TOPAZ1: variants seen among roughly 807,000 people sequenced by gnomAD.
TOPAZ1 encodes the protein protein TOPAZ1.
Under a neutral mutation model 172.2 loss-of-function variants are expected in TOPAZ1, and 66 were observed. The ratio of observed to expected loss-of-function variants is 0.38; its 90% CI spans 0.31 to 0.47. TOPAZ1 has a LOEUF of 0.47. Ranked by LOEUF, TOPAZ1 falls within the 20% of genes least tolerant of loss-of-function variation. TOPAZ1 has a pLI of 0.99. For synonymous variants in TOPAZ1, 681 were observed against 683.9 expected (o/e 1.00, Z 0.07); for missense variants, 1,822 against 1,972.4 (o/e 0.92, Z 1.44).
At position 44,243,962 on chromosome 3, in the gene TOPAZ1, A is replaced by G. The variant is rs1699524431; in HGVS notation, c.1456A>G (p.Ile486Val). 1 of 1,552,354 alleles carries G rather than the reference A, an allele frequency of 6.4e-7. No individual in the cohort carries two copies. Among genetic ancestry groups the G allele is most frequent in the East Asian group, 2.4e-5 (1 of 40,916 alleles). ...ATTGAAGTTAAGCTGTCAGAGAACA[A>G]TACCTATGACTGGTAAAAGAACTTG... is the stretch of plus-strand genomic sequence containing the variant. The part of the protein sequence containing the change: ...EELKLSCQRT[I>V]PMTGKRTWPY... Residue 486 changes from isoleucine to valine, a missense_variant, in exon 2 of 20, where the codon ATA becomes GTA. Ile to Val is a conservative substitution (Grantham distance 29). Transcript: ENST00000309765.
Position 44,258,780 on chromosome 3 carries a change from T to C in TOPAZ1, c.2955+2502T>C, listed in dbSNP as rs1699743774. Among the ~76,000 whole-genome samples the C allele has an allele frequency of 2.6e-5, 4 of 152,338 alleles. 1 individual carries two copies. The South Asian group carries it at 6.2e-4, about 24-fold the overall frequency. On this transcript the variant is annotated intron_variant, in intron 4 of 19. Coordinates refer to ENST00000309765, the MANE Select transcript of TOPAZ1 (RefSeq NM_001145030.2). ...AGGATAAAGCTGCTATCTATAAACG[T>C]TCATGTACAGGTTTTTGTGTATCTA...
chr3:44,256,242 C>A lies in TOPAZ1; in HGVS notation c.2919C>A (p.Phe973Leu), dbSNP rs777738428. 6.5e-7 allele frequency: 1 copy of A among 1,533,148 alleles called. No homozygotes were observed. The highest frequency in any genetic ancestry group is 2.2e-5 in the Admixed American group (1 of 45,536). The allele number at this position is 1,533,148 out of a possible 1,614,324, so 95.0% of individuals were successfully genotyped here. A position where few individuals can be genotyped will look rare whatever the true frequency, so the allele number is the denominator to read the frequency against. ...CTGAAAATGAAACACTGGGAGACTT[C>A]AGTGAACAAATAAAAGGTTCAGACT... ...ETSENETLGDFSEQIKGSDLD... is the reference protein window; with the variant it reads ...ETSENETLGDLSEQIKGSDLD... Residue 973 changes from phenylalanine to leucine, a missense_variant, in exon 4 of 20, where the codon TTC (phenylalanine) becomes TTA (leucine). Physicochemically the swap from Phe to Leu is conservative, Grantham distance 22 (BLOSUM62 0). This residue lies in a region of TOPAZ1 where 1,489 missense variants were observed against 1,490.8 expected (regional missense o/e 1.00). Transcript: ENST00000309765.
rs151093755 is a variant in TOPAZ1 at position 44,308,610 on chromosome 3, A to T, written c.4141-1215A>T. Among the ~76,000 whole-genome samples, 618 of 152,198 alleles carry T rather than the reference A, an allele frequency of 4.1e-3. 9 individuals are homozygous for T. The highest frequency in any genetic ancestry group is 0.014 in the African/African-American group (591 of 41,510). ...CATACATATGCATGTGTCTTTATAG[A>T]CTGCATCTCAAATTTAATAAAAGAG... On this transcript the variant is annotated intron_variant, in intron 15 of 19. Coordinates refer to ENST00000309765, the MANE Select transcript of TOPAZ1 (RefSeq NM_001145030.2).
chr3:44,277,240 G>A (rs2125689190), intron 8 of TOPAZ1, among the ~76,000 whole-genome samples: 1 of 152,144 alleles, frequency 6.6e-6, no homozygotes, highest in African/African-American at 2.4e-5. Flanking sequence ...TTATTCCTAA[G>A]TATTTTTTTG....
At chr3:44,268,588 G>A (rs1699858649) in intron 6 of TOPAZ1, among the ~76,000 whole-genome samples, 1 of 151,772 alleles carries the variant, frequency 6.6e-6, no homozygotes, top group Non-Finnish European at 1.5e-5. Flanking sequence ...TGGCCAGGCT[G>A]GTCTCAATGG....
At chr3:44,245,619 C>G (rs1699556070) in intron 2 of TOPAZ1, among the ~76,000 whole-genome samples, 1 of 148,832 alleles carries the variant, frequency 6.7e-6, no homozygotes, top group Non-Finnish European at 1.5e-5. Flanking sequence ...TCACTGCAAG[C>G]TCTGCCTCCC....
intron 6 of TOPAZ1, 120 bp from the exon 7 acceptor site, chr3:44,269,096 T>C: frequency 1.5e-6 from 1 of 681,500 alleles, no homozygotes. Context: ...GTCTGTGAAC[T>C]GAATATGAAT....
intron 12 of TOPAZ1, among the ~76,000 whole-genome samples, chr3:44,296,947 G>A (rs1361551351): frequency 1.3e-5 from 2 of 151,584 alleles, no homozygotes; most frequent in Non-Finnish European, 2.9e-5. Context: ...CGAGGTGGGT[G>A]GATCACCTGA....
chr3:44,298,910 T>TATATATATATATATATATATATATA lies in TOPAZ1; in HGVS notation c.3798-5105_3798-5104insATATATATATATATATATATATATA, dbSNP rs1491140048. Among the ~76,000 whole-genome samples, 6 of 16,206 alleles carry TATATATATATATATATATATATATA rather than the reference T, an allele frequency of 3.7e-4. No individual in the cohort carries two copies. In the South Asian group the frequency reaches 0.016, roughly 43 times the overall value. The allele number at this position is 16,206 out of a possible 152,430, so 10.6% of individuals were successfully genotyped here. A position where few individuals can be genotyped will look rare whatever the true frequency, so the allele number is the denominator to read the frequency against. On this transcript the variant is annotated intron_variant, in intron 12 of 19. Coordinates refer to ENST00000309765, the MANE Select transcript of TOPAZ1 (RefSeq NM_001145030.2). ...TATATATTATATATATATATATATA[T>TATATATATATATATATATATATATA]TTTTTTTTTTTTTTTTTTTTTTTTC...
chr3:44,251,907 C>T (rs765731555), intron 2 of TOPAZ1, among the ~76,000 whole-genome samples: 1 of 152,132 alleles, frequency 6.6e-6, no homozygotes, highest in Non-Finnish European at 1.5e-5. Context: ...GACTACACTC[C>T]ACCAATGCAA....
chr3:44,277,212 T>C (rs1038755154), intron 8 of TOPAZ1, among the ~76,000 whole-genome samples: 1 of 152,228 alleles, frequency 6.6e-6, no homozygotes, highest in Non-Finnish European at 1.5e-5. Context: ...TAGAGATCTT[T>C]TACCTCATTG....
rs1427027080 is a variant in TOPAZ1, at chr3:44,242,319, T to G, written c.266T>G (p.Val89Gly). 6.4e-7 allele frequency: 1 copy of G among 1,552,048 alleles called. No homozygotes were observed. Among genetic ancestry groups the G allele is most frequent in the African/African-American group, 1.4e-5 (1 of 73,024 alleles). Residue 89 changes from valine to glycine, a missense_variant, in exon 1 of 20, where the codon GTG (valine) becomes GGG (glycine). Around this residue, in one of 2 missense-constraint regions of TOPAZ1, gnomAD observed 1,489 missense variants for 1,490.8 expected, o/e 1.00. Transcript: ENST00000309765. Reference sequence around the variant, plus strand: ...CAGGTGGAGGGGCGCAGGGGCCCGGTGAGCCCGTCAGACTCGTCAGACCCG... The same window carrying G: ...CAGGTGGAGGGGCGCAGGGGCCCGGGGAGCCCGTCAGACTCGTCAGACCCG... ...RRQVEGRRGPVSPSDSSDPRG... is the reference protein window; with the variant it reads ...RRQVEGRRGPGSPSDSSDPRG...
In TOPAZ1 at chr3:44,305,274, A is replaced by G. The variant is rs760150711; in HGVS notation, c.3992A>G (p.Tyr1331Cys). The change falls in exon 14 of 20, where the codon TAT (tyrosine) becomes TGT (cysteine). Residue 1331 changes from tyrosine (Y) to cysteine (C), a missense_variant. Physicochemically the swap from Tyr to Cys is radical, Grantham distance 194. Transcript: ENST00000309765. ...ACIAETLTKN[Y>C]EDERPDIPFC... ...ATTGCTGAAACACTCACAAAAAACT[A>G]TGAAGATGAAAGACCAGATATTCCC... 7.1e-6 allele frequency: 11 copies of G among 1,543,998 alleles called. No individual in the cohort carries two copies. Among genetic ancestry groups the G allele is most frequent in the South Asian group, 1.2e-5 (1 of 81,578 alleles).
chr3:44,312,553 T>A, intron 16 of TOPAZ1, among the ~76,000 whole-genome samples: 1 of 152,182 alleles, frequency 6.6e-6, no homozygotes, highest in East Asian at 1.9e-4. Context: ...ATTTTTTTGT[T>A]TGGTGAGTGA....
rs1559522435 is a variant in TOPAZ1 at position 44,244,279 on chromosome 3, G to A, written c.1773G>A (p.Lys591=). Residue 591 remains lysine (K), a synonymous_variant, in exon 2 of 20, where the codon AAG becomes AAA. Transcript: ENST00000309765. ...TLMVIKEPII[K]DDKKIKSEEL... is the part of the protein sequence containing the mutation. ...TGGTTATAAAGGAACCTATAATCAA[G>A]GATGATAAAAAGATAAAATCAGAGG... is the stretch of plus-strand genomic sequence containing the variant. The A allele has an allele frequency of 6.5e-7, 1 of 1,550,310 alleles. No homozygotes were observed. Among genetic ancestry groups the A allele is most frequent in the African/African-American group, 1.4e-5 (1 of 73,050 alleles).
chr3:44,281,016 AG>A (rs1442880932), intron 8 of TOPAZ1, among the ~76,000 whole-genome samples: 1 of 152,160 alleles, frequency 6.6e-6, no homozygotes, highest in Non-Finnish European at 1.5e-5. Context: ...CCCCTACATT[AG>A]TCTCAGGACC....
intron 4 of TOPAZ1, among the ~76,000 whole-genome samples, chr3:44,258,733 G>A (rs1485692346): frequency 6.6e-6 from 1 of 152,130 alleles, no homozygotes; most frequent in East Asian, 1.9e-4. Flanking sequence ...TATCTAGATT[G>A]TTTCCAGTTT....
intron 8 of TOPAZ1, among the ~76,000 whole-genome samples, chr3:44,272,952 G>T (rs1699914058): frequency 2.6e-5 from 4 of 152,178 alleles, no homozygotes; most frequent in Admixed American, 2.0e-4. Flanking sequence ...CTTATCAAAT[G>T]TATGGCTTGC....
In TOPAZ1 at chr3:44,242,310, G is replaced by A. The variant is rs1194628944; in HGVS notation, c.257G>A (p.Arg86Lys). Residue 86 changes from arginine (R) to lysine (K), a missense_variant, in exon 1 of 20, where the codon AGG (arginine) becomes AAG (lysine). By Grantham distance (26) the Arg-to-Lys change is conservative. Coordinates refer to ENST00000309765, the MANE Select transcript of TOPAZ1 (RefSeq NM_001145030.2). ...GCAAGGCGTCAGGTGGAGGGGCGCA[G>A]GGGCCCGGTGAGCCCGTCAGACTCG... ...KAARRQVEGR[R>K]GPVSPSDSSD... 1.3e-6 allele frequency: 2 copies of A among 1,551,864 alleles called. No homozygotes were observed. Among genetic ancestry groups the A allele is most frequent in the African/African-American group, 1.4e-5 (1 of 73,120 alleles).
Sources: gnomAD v4.1 joint callset for allele counts (sites outside exome capture counted in the v4.1 genomes callset) on GRCh38, gnomAD v4.1.1 for gene constraint, gnomAD v4.1.1 regional missense constraint, MANE v1.5 for transcripts, NCBI Gene and HGNC (gene_info 2026-07-23, HGNC 2026-07-21) for gene names.